The following PSMG2 variants were observed in gnomAD, a reference collection of about 807,000 sequenced individuals.
PSMG2 encodes the protein CD40 ligand-activated specific transcript 3.
PSMG2 carries 21 observed loss-of-function variants against 31.5 expected under a neutral mutation model. The observed-to-expected ratio is 0.67, with a 90% CI of 0.47 to 0.96. The LOEUF is 0.96. Among genes scored for constraint, PSMG2 ranks in the 40% least tolerant of loss-of-function variants. The probability of loss-of-function intolerance (pLI) is 0.00; values close to 1 mark genes in which losing one functional copy is unlikely to be tolerated. For synonymous variants in PSMG2, 120 were observed against 110.4 expected (o/e 1.09, Z -0.54); for missense variants, 318 against 321.2 (o/e 0.99, Z 0.08).
chr18:12,703,856 A>G (rs113527550), intron 1 of PSMG2, among the ~76,000 whole-genome samples: 2 of 152,296 alleles, frequency 1.3e-5, no homozygotes, highest in African/African-American at 4.8e-5. Flanking sequence ...AGTAGGGGAA[A>G]GTAGGCGTTT....
rs1305900814 is a variant in PSMG2 at position 12,709,121 on chromosome 18, T to C, written c.229+2400T>C. 3.0e-5 allele frequency among the ~76,000 whole-genome samples: 4 copies of C among 132,794 alleles called. No homozygotes were observed. In the East Asian group the frequency reaches 7.2e-4, roughly 24 times the overall value. The allele number at this position is 132,794 out of a possible 152,430, so 87.1% of individuals were successfully genotyped here. On this transcript the variant is annotated intron_variant, in intron 2 of 6. Coordinates refer to ENST00000317615, the MANE Select transcript of PSMG2 (RefSeq NM_020232.5). The stretch of plus-strand genomic sequence containing the variant: ...AGTGCAGTGGCACGATCTCGGCCCA[T>C]TGCAACCTCTGCCTCCCGGGTTCAA...
At chr18:12,699,346 T>G, upstream of PSMG2, 1 of 598,240 alleles carries the variant, frequency 1.7e-6, no homozygotes, top group Admixed American at 3.1e-5. Flanking sequence ...AATTTATTAC[T>G]GTATATGCCA....
At chr18:12,717,290 T>C (rs751811177) in intron 3 of PSMG2, among the ~76,000 whole-genome samples, 1 of 152,126 alleles carries the variant, frequency 6.6e-6, no homozygotes, top group Non-Finnish European at 1.5e-5. Context: ...ACTACCTTCT[T>C]ATTTTAAAAG....
intron 1 of PSMG2, among the ~76,000 whole-genome samples, chr18:12,688,179 C>T (rs1049411034): frequency 2.2e-4 from 33 of 147,362 alleles, no homozygotes; most frequent in Non-Finnish European, 3.4e-4. Flanking sequence ...TGCAGTGAGC[C>T]GAGATCGTGC....
At chr18:12,718,857 G>A (rs534193209) in intron 4 of PSMG2, among the ~76,000 whole-genome samples, 2 of 152,162 alleles carry the variant, frequency 1.3e-5, no homozygotes, top group Non-Finnish European at 2.9e-5. Flanking sequence ...GGAAGACATC[G>A]TGTAGAGAGA....
intron 1 of PSMG2, chr18:12,658,870 G>C (rs562679490): frequency 3.8e-5 from 11 of 293,172 alleles, no homozygotes; most frequent in African/African-American, 2.2e-4. Flanking sequence ...TACATAATTT[G>C]CAGGTGTTAG....
rs1197613664 is a variant in PSMG2 at position 12,703,140 on chromosome 18, C to T, written c.33C>T (p.Asp11=). MFVPCGESAP[D]LAGFTLLMPA... Reference sequence around the variant, plus strand: ...TTCCCTGCGGGGAGTCGGCCCCCGACCTTGCCGGCTTCACCCTCCTAATGG... The same window carrying T: ...TTCCCTGCGGGGAGTCGGCCCCCGATCTTGCCGGCTTCACCCTCCTAATGG... Residue 11 remains aspartate (D), a synonymous_variant, in exon 1 of 7, where the codon GAC becomes GAT. Transcript: ENST00000317615. 1.9e-6 allele frequency: 3 copies of T among 1,612,180 alleles called. No homozygotes were observed. In the African/African-American group the frequency reaches 4.0e-5, roughly 22 times the overall value.
intron 2 of PSMG2, among the ~76,000 whole-genome samples, chr18:12,709,848 T>G (rs1057156934): frequency 6.6e-6 from 1 of 150,608 alleles, no homozygotes; most frequent in Non-Finnish European, 1.5e-5. Flanking sequence ...GTTGGCCAGG[T>G]GGGTCTTGAA....
rs150694937 is a variant in PSMG2 at position 12,670,225 on chromosome 18, G to C, written c.-37+11452G>C. On this transcript the variant is annotated intron_variant, in intron 1 of 6. Coordinates refer to the PSMG2 transcript ENST00000585331. The stretch of plus-strand genomic sequence containing the variant: ...TGTGCCTGTAGTCCCAGCTACTTGG[G>C]AGGCTGAGGCAGGAGAACTGCTTGA... Among the ~76,000 whole-genome samples, 1,401 of 151,952 alleles carry C rather than the reference G, an allele frequency of 9.2e-3. 28 individuals carry two copies. The highest frequency in any genetic ancestry group is 0.033 in the African/African-American group (1,353 of 41,448).
At chr18:12,679,244 G>A (rs999214702) in intron 1 of PSMG2, 9 of 152,184 alleles carry the variant, frequency 5.9e-5, no homozygotes, top group African/African-American at 2.2e-4. Context: ...CAGCCAGGTG[G>A]AAAGGGGTCC....
Sources: gnomAD v4.1 joint callset for allele counts (sites outside exome capture counted in the v4.1 genomes callset) on GRCh38, gnomAD v4.1.1 for gene constraint, MANE v1.5 for transcripts, NCBI Gene and HGNC (gene_info 2026-07-23, HGNC 2026-07-21) for gene names.